Variants in ST3GAL6 observed in about 807,000 individuals in gnomAD.
The protein encoded by ST3GAL6 is type 2 lactosamine alpha-2,3-sialyltransferase.
In ST3GAL6, 31 loss-of-function variants were observed where a neutral mutation model predicts 40.5. The ratio of observed to expected loss-of-function variants is 0.77; its 90% confidence interval spans 0.58 to 1.03. ST3GAL6 has a LOEUF of 1.03. Ranked by LOEUF, ST3GAL6 falls within the 50% of genes least tolerant of loss-of-function variation. ST3GAL6 has a pLI of 0.00. For missense variants in ST3GAL6, 357 were observed against 393.2 expected (o/e 0.91, Z 0.78); for synonymous variants, 129 against 136.9 (o/e 0.94, Z 0.40).
intron 6 of ST3GAL6, among the ~76,000 whole-genome samples, chr3:98,786,010 G>A (rs1940666509): frequency 6.6e-6 from 1 of 152,138 alleles, no homozygotes; most frequent in African/African-American, 2.4e-5. Context: ...TAGGAGATTG[G>A]CTGGAGAGTG....
intron 1 of ST3GAL6, among the ~76,000 whole-genome samples, chr3:98,766,344 TAA>T (rs1256844704): frequency 1.3e-5 from 2 of 151,172 alleles, no homozygotes; most frequent in Admixed American, 1.3e-4. Flanking sequence ...GTAAATACAT[TAA>T]AAAATTTTGC....
intron 5 of ST3GAL6, among the ~76,000 whole-genome samples, chr3:98,777,997 A>G (rs184537504): frequency 1.3e-5 from 2 of 152,144 alleles, no homozygotes; most frequent in Non-Finnish European, 2.9e-5. Context: ...GTGGAAGTAC[A>G]TCCTCACACA....
At chr3:98,762,804 A>G (rs1937928551), upstream of ST3GAL6, 2 of 985,342 alleles carry the variant, frequency 2.0e-6, no homozygotes, top group African/African-American at 1.7e-5. Flanking sequence ...AATTCTGGCC[A>G]GTGCTCTGGG....
intron 1 of ST3GAL6, among the ~76,000 whole-genome samples, chr3:98,757,442 A>C (rs1321144531): frequency 2.6e-5 from 4 of 152,220 alleles, no homozygotes; most frequent in African/African-American, 9.7e-5. Context: ...GACCTGAATC[A>C]AGGCTGGAGG....
At chr3:98,786,878 G>A (rs1454116653) in intron 6 of ST3GAL6, among the ~76,000 whole-genome samples, 2 of 151,814 alleles carry the variant, frequency 1.3e-5, no homozygotes, top group Non-Finnish European at 2.9e-5. Flanking sequence ...TCCCTCTGAT[G>A]TAGTGAGGGG....
chr3:98,757,283 C>G (rs1025946222), intron 1 of ST3GAL6, among the ~76,000 whole-genome samples: 6 of 152,164 alleles, frequency 3.9e-5, no homozygotes, highest in Non-Finnish European at 8.8e-5. Context: ...TTTAGTAGTG[C>G]TGGCCAATAT....
At chr3:98,780,248 A>G (rs1939967110) in intron 5 of ST3GAL6, among the ~76,000 whole-genome samples, 1 of 152,246 alleles carries the variant, frequency 6.6e-6, no homozygotes, top group South Asian at 2.1e-4. Context: ...TGGTGGTACT[A>G]TGAATACTAG....
intron 5 of ST3GAL6, among the ~76,000 whole-genome samples, chr3:98,779,944 T>C (rs759311637): frequency 1.3e-5 from 2 of 152,208 alleles, no homozygotes; most frequent in Admixed American, 6.5e-5. Context: ...GAGATATAAA[T>C]GATACTATTC....
chr3:98,735,541 T>C (rs1935470305), intron 1 of ST3GAL6, among the ~76,000 whole-genome samples: 1 of 152,204 alleles, frequency 6.6e-6, no homozygotes, highest in East Asian at 1.9e-4. Context: ...CTGTCTTCAA[T>C]GGGCATATTC....
intron 1 of ST3GAL6, chr3:98,733,268 G>T (rs931231110): frequency 1.0e-6 from 1 of 984,250 alleles, no homozygotes; most frequent in East Asian, 1.1e-4. Context: ...GGCACCCGGG[G>T]ATCCTGGAGC....
At chr3:98,733,321 C>T (rs980980964) in intron 1 of ST3GAL6, 12 of 1,153,744 alleles carry the variant, frequency 1.0e-5, no homozygotes, top group Non-Finnish European at 1.1e-5. Context: ...GCGGGTAAGC[C>T]CAGGAGCCGT....
At chr3:98,749,999 A>G (rs1936865160) in intron 1 of ST3GAL6, among the ~76,000 whole-genome samples, 1 of 152,366 alleles carries the variant, frequency 6.6e-6, no homozygotes, top group African/African-American at 2.4e-5. Context: ...GTAAAGCCCT[A>G]CAATGAAAAA....
At chr3:98,749,206 C>A (rs1177799631) in intron 1 of ST3GAL6, among the ~76,000 whole-genome samples, 2 of 152,026 alleles carry the variant, frequency 1.3e-5, no homozygotes, top group Non-Finnish European at 2.9e-5. Context: ...ATTCACTTTG[C>A]CTTAAGGATC....
intron 5 of ST3GAL6, chr3:98,782,769 A>G (rs1940267524): frequency 1.4e-5 from 7 of 515,680 alleles, no homozygotes; most frequent in Admixed American, 1.1e-4. Flanking sequence ...CTCATAATCA[A>G]CAAAGAATCT....
At chr3:98,747,995 T>G (rs2107320473) in intron 1 of ST3GAL6, among the ~76,000 whole-genome samples, 1 of 152,338 alleles carries the variant, frequency 6.6e-6, no homozygotes, top group Non-Finnish European at 1.5e-5. Flanking sequence ...TAAATTAACA[T>G]TTGGACCTCT....
intron 1 of ST3GAL6, among the ~76,000 whole-genome samples, chr3:98,757,075 T>C (rs1424962097): frequency 2.0e-5 from 3 of 152,330 alleles, no homozygotes; most frequent in Non-Finnish European, 4.4e-5. Context: ...TATGCACAGA[T>C]TTCAGACATC....
intron 1 of ST3GAL6, among the ~76,000 whole-genome samples, chr3:98,767,384 A>G (rs1186014540): frequency 1.3e-5 from 2 of 152,272 alleles, no homozygotes; most frequent in Non-Finnish European, 2.9e-5. Context: ...GAACATATTT[A>G]CCATTAAAAA....
At chr3:98,745,997 G>C (rs1489063481) in intron 1 of ST3GAL6, among the ~76,000 whole-genome samples, 1 of 152,124 alleles carries the variant, frequency 6.6e-6, no homozygotes, top group African/African-American at 2.4e-5. Flanking sequence ...CATGGCATGT[G>C]ATAGATGGGT....
At chr3:98,770,125 G>A (rs968636707) in intron 2 of ST3GAL6, among the ~76,000 whole-genome samples, 4 of 152,144 alleles carry the variant, frequency 2.6e-5, no homozygotes, top group African/African-American at 9.7e-5. Flanking sequence ...GCTGATTATA[G>A]AAGAAAATTG....
Sources: gnomAD v4.1 joint callset for allele counts (sites outside exome capture counted in the v4.1 genomes callset) on GRCh38, gnomAD v4.1.1 for gene constraint, MANE v1.5 for transcripts, NCBI Gene and HGNC (gene_info 2026-07-23, HGNC 2026-07-21) for gene names.